The following POLR2H variants were observed in gnomAD, a reference collection of about 807,000 sequenced individuals.
POLR2H encodes the protein RNA polymerase II, I and III subunit H, also known as DNA-directed RNA polymerases I, II, and III subunit RPABC3.
Under a neutral mutation model 18.1 loss-of-function variants are expected in POLR2H, and 3 were observed. The observed-to-expected ratio is 0.17, with a 90% CI of 0.08 to 0.43. The LOEUF (loss-of-function observed/expected upper bound fraction) is 0.43. POLR2H is among the 20% of genes least tolerant of loss of function. The pLI is 0.99. For synonymous variants in POLR2H, 76 were observed against 69.0 expected, an observed-to-expected ratio of 1.10 and a Z score of -0.50; for missense variants, 103 against 184.6, an observed-to-expected ratio of 0.56 and a Z score of 2.56.
At position 184,363,339 on chromosome 3, in the gene POLR2H, C is replaced by T. The variant is rs1273644356; in HGVS notation, c.-154C>T. On this transcript the variant is annotated 5_prime_UTR_variant, in exon 2 of 6. Transcript: ENST00000456318. The stretch of plus-strand genomic sequence containing the variant: ...GCTGTGGCGGAAGTGGTCGCGTTAC[C>T]GCTTGTTTGTGCGCATGCGCCACTC... 5.8e-6 allele frequency: 4 copies of T among 686,376 alleles called. No homozygotes were observed. The Admixed American group carries it at 6.4e-5, about 11-fold the overall frequency. The allele number at this position is 686,376 out of a possible 1,614,324, so 42.5% of individuals were successfully genotyped here.
intron 4 of POLR2H, chr3:184,366,503 A>C: frequency 5.8e-6 from 2 of 343,048 alleles, no homozygotes; most frequent in East Asian, 6.9e-5. Context: ...ACGCCCGGCT[A>C]ATTTTTTTGT....
At position 184,363,239 on chromosome 3, in the gene POLR2H, T is replaced by C; in HGVS notation, c.-254T>C. On this transcript the variant is annotated 5_prime_UTR_variant, in exon 2 of 6. The change abolishes an upstream ATG in the 5' untranslated region. Coordinates refer to ENST00000456318, the MANE Select transcript of POLR2H (RefSeq NM_006232.5). Reference sequence around the variant, plus strand: ...CGCCCTGGGCAGAGCCACCTGGACATGAGACCCGCCCTCAATGCCGAAGCC... The same window carrying C: ...CGCCCTGGGCAGAGCCACCTGGACACGAGACCCGCCCTCAATGCCGAAGCC... 2 of 552,488 alleles carry C rather than the reference T, an allele frequency of 3.6e-6. No homozygotes were observed. Among genetic ancestry groups the C allele is most frequent in the South Asian group, 1.9e-5 (1 of 51,758 alleles). 34.2% of individuals were successfully genotyped at this position (552,488 alleles called of 1,614,324 possible).
chr3:184,362,414 G>C lies in POLR2H; in HGVS notation c.-621+268G>C, dbSNP rs1257189958. The C allele has an allele frequency of 6.6e-6, 1 of 152,582 alleles. No homozygotes were observed. Among genetic ancestry groups the C allele is most frequent in the Non-Finnish European group, 1.5e-5 (1 of 68,348 alleles). The allele number at this position is 152,582 out of a possible 1,614,324, so 9.5% of individuals were successfully genotyped here. ...GGATAGAACAGAGGGCGGAGCGCGCGCAGGGTGGATGGGCAGCGTAGAGAT... is the reference window on the plus strand; with the variant it reads ...GGATAGAACAGAGGGCGGAGCGCGCCCAGGGTGGATGGGCAGCGTAGAGAT... On this transcript the variant is annotated intron_variant, in intron 1 of 5. Transcript: ENST00000456318. This position sits in a 1 kb window ranked among gnomAD's most constrained non-coding sequence, Gnocchi z 5.9.
chr3:184,366,592 C>T (rs567817288), intron 4 of POLR2H, 125 bp from the exon 5 acceptor site: 38 of 586,446 alleles, frequency 6.5e-5, no homozygotes, highest in African/African-American at 6.2e-4. Context: ...CCCGCCTTGG[C>T]CTCCCAAAGT....
chr3:184,364,220 G>A (rs989321351), intron 2 of POLR2H, among the ~76,000 whole-genome samples: 2 of 151,912 alleles, frequency 1.3e-5, no homozygotes, highest in Non-Finnish European at 1.5e-5. Flanking sequence ...GTTAGAGTTA[G>A]CTGCTTGGTA....
Position 184,363,527 on chromosome 3 carries a change from T to C in POLR2H, c.35T>C (p.Val12Ala). 2 of 1,614,080 alleles carry C rather than the reference T, an allele frequency of 1.2e-6. No individual in the cohort carries two copies. The highest frequency in any genetic ancestry group is 1.7e-6 in the Non-Finnish European group (2 of 1,179,976). The change falls in exon 2 of 6, where the codon GTG becomes GCG. Residue 12 changes from valine (V) to alanine (A), a missense_variant. By Grantham distance (64) the Val-to-Ala change is moderately conservative. Transcript: ENST00000456318. ...ATCCTGTTTGAGGATATTTTCGATG[T>C]GAAGGATATTGACCCGGAGGGCAAG... The part of the protein sequence containing the change: ...AGILFEDIFD[V>A]KDIDPEGKKF...
rs531314853 is a variant in POLR2H, at chr3:184,362,045, G to C, written c.-722G>C. On this transcript the variant is annotated 5_prime_UTR_variant, in exon 1 of 6. Transcript: ENST00000456318. This position sits in a 1 kb window ranked among gnomAD's most constrained non-coding sequence, Gnocchi z 5.9. ...AGACGAGCGGCCCAGACAGGCCTGG[G>C]AAGGCCCCTCTGCCCCGTCAGGGGT... is the stretch of plus-strand genomic sequence containing the variant. The C allele has an allele frequency of 2.0e-4, 31 of 152,668 alleles. No homozygotes were observed. The highest frequency in any genetic ancestry group is 7.5e-4 in the African/African-American group (31 of 41,602). The allele number at this position is 152,668 out of a possible 1,614,324, so 9.5% of individuals were successfully genotyped here.
intron 5 of POLR2H, 118 bp downstream of exon 5, chr3:184,366,918 C>A: frequency 1.5e-6 from 1 of 678,590 alleles, no homozygotes; most frequent in South Asian, 1.6e-5. Flanking sequence ...GAGGTGGGAA[C>A]TAGAAAGAAA....
In POLR2H at chr3:184,363,364, C is replaced by G. The variant is rs1372137541; in HGVS notation, c.-129C>G. ...CGCTTGTTTGTGCGCATGCGCCACT[C>G]TCGTCTGGCCGCCGCGCTTTCAGGA... On this transcript the variant is annotated 5_prime_UTR_variant, in exon 2 of 6. Coordinates refer to ENST00000456318, the MANE Select transcript of POLR2H (RefSeq NM_006232.5). 2 of 764,194 alleles carry G rather than the reference C, an allele frequency of 2.6e-6. No individual in the cohort carries two copies. Among genetic ancestry groups the G allele is most frequent in the Admixed American group, 4.1e-5 (2 of 49,006 alleles). 47.3% of individuals were successfully genotyped at this position (764,194 alleles called of 1,614,324 possible). A position where few individuals can be genotyped will look rare whatever the true frequency, so the allele number is the denominator to read the frequency against.
In POLR2H at chr3:184,368,537, G is replaced by T; in HGVS notation, c.*243G>T. 2.6e-6 allele frequency: 1 copy of T among 388,430 alleles called. No individual in the cohort carries two copies. Among genetic ancestry groups the T allele is most frequent in the South Asian group, 8.5e-5 (1 of 11,722 alleles). 24.1% of individuals were successfully genotyped at this position (388,430 alleles called of 1,614,324 possible). On this transcript the variant is annotated 3_prime_UTR_variant, in exon 6 of 6. Transcript: ENST00000456318. Reference sequence around the variant, plus strand: ...TTTTAAATTAAACTTTACTTTTTCAGACTGCCCCTCCCCTTTTTGTAAAAA... The same window carrying T: ...TTTTAAATTAAACTTTACTTTTTCATACTGCCCCTCCCCTTTTTGTAAAAA...
At chr3:184,367,721 A>G (rs1257871029) in intron 5 of POLR2H, among the ~76,000 whole-genome samples, 1 of 151,326 alleles carries the variant, frequency 6.6e-6, no homozygotes, top group African/African-American at 2.4e-5. Context: ...TGATCTCCTG[A>G]CCTCGTGATC....
At chr3:184,364,775 C>T (rs1712944429) in intron 2 of POLR2H, 191 bp from the exon 3 acceptor site, 17 of 580,102 alleles carry the variant, frequency 2.9e-5, no homozygotes, top group Middle Eastern at 4.4e-4. Context: ...GGATTACGTT[C>T]GCTTGCCACA....
intron 2 of POLR2H, among the ~76,000 whole-genome samples, chr3:184,364,071 G>T (rs1712807127): frequency 6.6e-6 from 1 of 152,208 alleles, no homozygotes; most frequent in African/African-American, 2.4e-5. Flanking sequence ...CAGTCCTCAT[G>T]AGGTGGGTGG....
Position 184,363,427 on chromosome 3 carries a change from G to C in POLR2H, c.-66G>C. The stretch of plus-strand genomic sequence containing the variant: ...TCTCTCCGGTCTTGTCCACGCTAGG[G>C]GGTGCACGTACTCCCAACTGTGGTC... On this transcript the variant is annotated 5_prime_UTR_variant, in exon 2 of 6. Transcript: ENST00000456318. 7.6e-7 allele frequency: 1 copy of C among 1,316,982 alleles called. No individual in the cohort carries two copies. The allele number at this position is 1,316,982 out of a possible 1,614,324, so 81.6% of individuals were successfully genotyped here.
chr3:184,367,692 A>G (rs1713570909), intron 5 of POLR2H, among the ~76,000 whole-genome samples: 2 of 151,664 alleles, frequency 1.3e-5, no homozygotes, highest in African/African-American at 2.4e-5. Flanking sequence ...GGGTTTCACC[A>G]TGTTAGCCAG....
intron 2 of POLR2H, among the ~76,000 whole-genome samples, chr3:184,364,084 C>A (rs998420458): frequency 6.6e-6 from 1 of 152,188 alleles, no homozygotes; most frequent in African/African-American, 2.4e-5. Flanking sequence ...GTGGGTGGTG[C>A]CTTTCCCATT....
Position 184,364,968 on chromosome 3 carries a change from T to C in POLR2H, c.76T>C (p.Ser26Pro), listed in dbSNP as rs763261884. 6.2e-7 allele frequency: 1 copy of C among 1,606,894 alleles called. No individual in the cohort carries two copies. The highest frequency in any genetic ancestry group is 1.1e-5 in the South Asian group (1 of 90,956). ...ACTCTTTTCCTGCTTCTCCCCAGTG[T>C]CTCGACTGCATTGTGAGAGTGAATC... ...DPEGKKFDRV[S>P]RLHCESESFK... is the part of the protein sequence containing the mutation. The change falls in exon 3 of 6, where the codon TCT becomes CCT. Residue 26 changes from serine (S) to proline (P), a missense_variant and splice_region_variant. Transcript: ENST00000456318.
chr3:184,361,985 C>T lies in POLR2H; in HGVS notation c.-782C>T, dbSNP rs1712211851. On this transcript the variant is annotated 5_prime_UTR_variant, in exon 1 of 6. Transcript: ENST00000456318. This position sits in a 1 kb window ranked among gnomAD's most constrained non-coding sequence, Gnocchi z 6.6. ...CTACATCGGACTCCTCCGGGTCAGCCCGTTAGGAGCCGCCTCCCCTCTGCC... is the reference window on the plus strand; with the variant it reads ...CTACATCGGACTCCTCCGGGTCAGCTCGTTAGGAGCCGCCTCCCCTCTGCC... The T allele has an allele frequency of 6.5e-6, 1 of 152,830 alleles. No individual in the cohort carries two copies. Among genetic ancestry groups the T allele is most frequent in the African/African-American group, 2.4e-5 (1 of 41,496 alleles). 9.5% of individuals were successfully genotyped at this position (152,830 alleles called of 1,614,324 possible).
chr3:184,365,407 C>T, intron 4 of POLR2H, 181 bp downstream of exon 4: 1 of 612,002 alleles, frequency 1.6e-6, no homozygotes, highest in Non-Finnish European at 2.9e-6. Flanking sequence ...ACACCTGTAA[C>T]CCAAGCACTT....
Sources: allele counts gnomAD v4.1 joint callset (sites outside exome capture counted in the v4.1 genomes callset), GRCh38; gene constraint gnomAD v4.1.1; non-coding constraint Gnocchi (gnomAD v3.1); transcripts MANE v1.5; gene names NCBI Gene and HGNC (gene_info 2026-07-23, HGNC 2026-07-21).